LAMB4: variants seen among roughly 807,000 people sequenced by gnomAD.
LAMB4 encodes laminin subunit beta 4.
In LAMB4, 196 loss-of-function variants were observed where a neutral mutation model predicts 199.2. That is an observed-to-expected ratio of 0.98 (90% CI 0.88 to 1.11). LAMB4 has a LOEUF of 1.11. LAMB4 is among the 50% of genes least tolerant of loss of function. The pLI is 0.00. For missense variants in LAMB4, 2,080 were observed against 2,171.2 expected (o/e 0.96, Z 0.83); for synonymous variants, 744 against 770.6 (o/e 0.97, Z 0.57).
At chr7:108,071,625 C>A (rs1194848929) in intron 17 of LAMB4, among the ~76,000 whole-genome samples, 1 of 152,200 alleles carries the variant, frequency 6.6e-6, no homozygotes, top group Non-Finnish European at 1.5e-5. Context: ...TTGACACTTG[C>A]CTCTTTGCTA....
At chr7:108,043,468 T>A (rs2035491306) in intron 29 of LAMB4, among the ~76,000 whole-genome samples, 1 of 150,746 alleles carries the variant, frequency 6.6e-6, no homozygotes, top group South Asian at 2.1e-4. Flanking sequence ...ATTAAGGAAT[T>A]AAAAACCAAA....
chr7:108,106,286 C>T (rs1321831401), intron 7 of LAMB4, among the ~76,000 whole-genome samples: 1 of 151,896 alleles, frequency 6.6e-6, no homozygotes, highest in African/African-American at 2.4e-5. Context: ...GGCAGGGTGG[C>T]GCATGCCTGT....
intron 19 of LAMB4, 95 bp downstream of exon 19, chr7:108,067,921 C>G: frequency 6.8e-7 from 1 of 1,465,196 alleles, no homozygotes; most frequent in Admixed American, 1.7e-5. Context: ...GGTTTCCAAT[C>G]TCCTTCCCAT....
chr7:108,034,175 C>A, intron 31 of LAMB4, 33 bp downstream of exon 31: 4 of 1,610,426 alleles, frequency 2.5e-6, no homozygotes, highest in Non-Finnish European at 3.4e-6. Flanking sequence ...CCCTCAAAAC[C>A]TATTTCAGGT....
At chr7:108,119,786 A>G (rs1406078469) in intron 2 of LAMB4, among the ~76,000 whole-genome samples, 1 of 152,186 alleles carries the variant, frequency 6.6e-6, no homozygotes, top group Non-Finnish European at 1.5e-5. Flanking sequence ...TGAAATCTGA[A>G]TAAGGCCTGT....
chr7:108,063,735 T>A, intron 22 of LAMB4, 26 bp downstream of exon 22: 1 of 1,582,048 alleles, frequency 6.3e-7, no homozygotes, highest in Non-Finnish European at 8.7e-7. Context: ...CTGACACATT[T>A]CCCCCTGGGA....
chr7:108,118,691 CAT>C (rs1007561115), intron 2 of LAMB4, among the ~76,000 whole-genome samples: 1 of 151,476 alleles, frequency 6.6e-6, no homozygotes, highest in Admixed American at 6.6e-5. Context: ...CTATGAAACT[CAT>C]ATAAAACATA....
chr7:108,034,212 A>C lies in LAMB4; in HGVS notation c.4814T>G (p.Leu1605Arg). The C allele has an allele frequency of 1.2e-6, 2 of 1,614,076 alleles. No individual in the cohort carries two copies. The highest frequency in any genetic ancestry group is 1.7e-6 in the Non-Finnish European group (2 of 1,179,982). Reference protein sequence around the residue: ...ANITKIKKNVLQAENQTREMK... With the variant: ...ANITKIKKNVRQAENQTREMK... ...AGTTTCAAAGAAGACAAATACCTGC[A>C]GCACATTCTTTTTTATTTTTGTTAT... The change falls in exon 31 of 34, where the codon CTG (leucine) becomes CGG (arginine). Residue 1605 changes from leucine (L) to arginine (R), a missense_variant. By Grantham distance (102) the Leu-to-Arg change is moderately radical. Transcript: ENST00000388781.
intron 4 of LAMB4, 41 bp downstream of exon 4, chr7:108,111,770 T>C: frequency 6.4e-7 from 1 of 1,557,538 alleles, no homozygotes; most frequent in Non-Finnish European, 8.8e-7. Flanking sequence ...CATATTAAAA[T>C]ATTGAAGAAA....
rs778410551 is a variant in LAMB4, at chr7:108,055,985, A to C, written c.3402T>G (p.Gly1134=). ...RCIPCDCNRA[G]TQKPICDPDT... ...CTGGATCACAGATGGGCTTCTGGGT[A>C]CCTGCCCTGTTACAATCACATGCTA... Residue 1134 remains glycine (G), a synonymous_variant, in exon 25 of 34, where the codon GGT becomes GGG. Coordinates refer to ENST00000388781, the MANE Select transcript of LAMB4 (RefSeq NM_007356.3). 3 of 1,613,036 alleles carry C rather than the reference A, an allele frequency of 1.9e-6. No homozygotes were observed. Among genetic ancestry groups the C allele is most frequent in the African/African-American group, 2.7e-5 (2 of 74,890 alleles).
At chr7:108,077,421 A>G (rs2150574149) in intron 16 of LAMB4, among the ~76,000 whole-genome samples, 1 of 152,300 alleles carries the variant, frequency 6.6e-6, no homozygotes, top group East Asian at 1.9e-4. Context: ...GCGGCAGGGC[A>G]TGGTGGCTCA....
At chr7:108,015,854 A>G in the LAMB4 span, among the ~76,000 whole-genome samples, 1 of 151,248 alleles carries the variant, frequency 6.6e-6, no homozygotes. Context: ...CTCAAGAAAC[A>G]TGCTAGTCCC....
rs766856091 is a variant in LAMB4 at position 108,062,860 on chromosome 7, C to T, written c.3196G>A (p.Asp1066Asn). The change falls in exon 23 of 34, where the codon GAT becomes AAT. Residue 1066 changes from aspartate (D) to asparagine (N), a missense_variant. Physicochemically the swap from Asp to Asn is conservative, Grantham distance 23. Coordinates refer to ENST00000388781, the MANE Select transcript of LAMB4 (RefSeq NM_007356.3). ...CCAGGGACCAGATTCCAGTATCCAT[C>T]AGCACAACGGTCACAGGCCAGGCCT... ...VTGLACDRCA[D>N]GYWNLVPGRG... The T allele has an allele frequency of 1.3e-6, 2 of 1,588,598 alleles. No homozygotes were observed. The highest frequency in any genetic ancestry group is 1.7e-6 in the Non-Finnish European group (2 of 1,168,808).
Position 108,049,515 on chromosome 7 carries a change from G to C in LAMB4, c.3933C>G (p.Ile1311Met). ...NASIADSSEN[I>M]KKYYHISSSA... Reference sequence around the variant, plus strand: ...ATGATGATATGTGATAATATTTCTTGATGTTTTCTGAGGAGTCTACGTCAA... The same window carrying C: ...ATGATGATATGTGATAATATTTCTTCATGTTTTCTGAGGAGTCTACGTCAA... The change falls in exon 27 of 34, where the codon ATC (isoleucine) becomes ATG (methionine). Residue 1311 changes from isoleucine (I) to methionine (M), a missense_variant. Physicochemically the swap from Ile to Met is conservative, Grantham distance 10 (BLOSUM62 1). Transcript: ENST00000388781. 1.2e-6 allele frequency: 2 copies of C among 1,601,154 alleles called. No homozygotes were observed. The highest frequency in any genetic ancestry group is 1.7e-6 in the Non-Finnish European group (2 of 1,171,414).
At chr7:108,128,190 G>A (rs745717351) in intron 1 of LAMB4, among the ~76,000 whole-genome samples, 3 of 152,056 alleles carry the variant, frequency 2.0e-5, no homozygotes, top group Admixed American at 1.3e-4. Context: ...AAGCAGGAGC[G>A]GTTCTCCAGT....
intron 29 of LAMB4, 129 bp from the exon 30 acceptor site, chr7:108,037,724 T>A: frequency 3.0e-6 from 2 of 675,304 alleles, no homozygotes; most frequent in Non-Finnish European, 5.2e-6. Flanking sequence ...AATACAGGGA[T>A]TAGATTGTAG....
intron 31 of LAMB4, among the ~76,000 whole-genome samples, chr7:108,031,868 A>G (rs1388566617): frequency 6.6e-6 from 1 of 152,086 alleles, no homozygotes; most frequent in Non-Finnish European, 1.5e-5. Context: ...CTTGTTTCTT[A>G]TTTCAGTGAC....
intron 8 of LAMB4, 104 bp from the exon 9 acceptor site, chr7:108,104,723 C>A: frequency 7.9e-7 from 1 of 1,270,280 alleles, no homozygotes; most frequent in Non-Finnish European, 1.1e-6. Flanking sequence ...CCTCTCTGAT[C>A]CTTAGTTTCC....
At chr7:108,037,278 C>G (rs567420842) in intron 30 of LAMB4, 110 bp downstream of exon 30, 2 of 838,916 alleles carry the variant, frequency 2.4e-6, no homozygotes, top group African/African-American at 3.4e-5. Context: ...ACTGAACTAT[C>G]AGAAGGTAAT....
Sources: allele counts gnomAD v4.1 joint callset (sites outside exome capture counted in the v4.1 genomes callset), GRCh38; gene constraint gnomAD v4.1.1; transcripts MANE v1.5; gene names NCBI Gene and HGNC (gene_info 2026-07-23, HGNC 2026-07-21).